The following CARMIL1 variants were observed in gnomAD, a reference collection of about 807,000 sequenced individuals.
CARMIL1 encodes the protein F-actin-uncapping protein LRRC16A.
A neutral mutation model predicts 177.1 loss-of-function variants in CARMIL1; 90 were observed. The ratio of observed to expected loss-of-function variants is 0.51; its 90% CI spans 0.43 to 0.61. The LOEUF is 0.61. Among genes scored for constraint, CARMIL1 ranks in the 20% least tolerant of loss-of-function variants. The probability of loss-of-function intolerance (pLI) is 0.00; values close to 1 mark genes in which losing one functional copy is unlikely to be tolerated. For missense variants in CARMIL1, 1,380 were observed against 1,667.0 expected (o/e 0.83, Z 3.00); for synonymous variants, 577 against 606.2 (o/e 0.95, Z 0.71).
chr6:25,606,009 A>G, intron 34 of CARMIL1, 52 bp from the exon 35 acceptor site: 2 of 1,329,936 alleles, frequency 1.5e-6, no homozygotes, highest in East Asian at 4.7e-5. Context: ...TCTAGCTTCA[A>G]GTTATTGGCT....
At chr6:25,517,542 C>T (rs1806123339) in intron 22 of CARMIL1, 127 bp downstream of exon 22, 3 of 667,180 alleles carry the variant, frequency 4.5e-6, no homozygotes, top group Non-Finnish European at 7.7e-6. Flanking sequence ...TGAATTTAGT[C>T]TACAGCTAAC....
chr6:25,373,822 A>T (rs563166579), intron 2 of CARMIL1, among the ~76,000 whole-genome samples: 39 of 152,096 alleles, frequency 2.6e-4, no homozygotes, highest in Middle Eastern at 3.4e-3. Context: ...TGACCTCGTG[A>T]TCCGTCTGCC....
At chr6:25,359,278 T>C (rs2150386888) in intron 2 of CARMIL1, among the ~76,000 whole-genome samples, 1 of 152,344 alleles carries the variant, frequency 6.6e-6, no homozygotes, top group African/African-American at 2.4e-5. Context: ...TGGAACTCTT[T>C]AATGTGCTTT....
chr6:25,586,578 C>CG (rs1562313064), intron 31 of CARMIL1, among the ~76,000 whole-genome samples: 1 of 151,880 alleles, frequency 6.6e-6, no homozygotes, highest in Non-Finnish European at 1.5e-5. Flanking sequence ...GCTGCAATCT[C>CG]GGCACTTTGG....
rs5875042 is a variant in CARMIL1, at chr6:25,459,210, TTTTCTTTCTTTCTTTCTTTC to T, written c.615-6623_615-6604del. Reference sequence around the variant, plus strand: ...TGACATAGAAATAAGGATCCCAACTTTTTCTTTCTTTCTTTCTTTCTTTCTTTCTTTCTTTCTTTCTTTCT... The same window carrying T: ...TGACATAGAAATAAGGATCCCAACTTTTTCTTTCTTTCTTTCTTTCTTTCT... On this transcript the variant is annotated intron_variant, in intron 8 of 36. Transcript: ENST00000329474. Among the ~76,000 whole-genome samples the T allele has an allele frequency of 7.5e-4, 60 of 80,178 alleles. No homozygotes were observed. The East Asian group carries it at 0.011, about 15-fold the overall frequency. 52.6% of individuals were successfully genotyped at this position (80,178 alleles called of 152,430 possible).
At chr6:25,325,996 A>G (rs559400971) in intron 2 of CARMIL1, among the ~76,000 whole-genome samples, 1 of 152,046 alleles carries the variant, frequency 6.6e-6, no homozygotes, top group East Asian at 1.9e-4. Flanking sequence ...CAGCCTCCCT[A>G]GCAGTTGGGA....
At chr6:25,426,459 T>A in intron 3 of CARMIL1, 42 bp from the exon 4 acceptor site, 34 of 1,369,528 alleles carry the variant, frequency 2.5e-5, no homozygotes, top group Non-Finnish European at 3.4e-5. Flanking sequence ...TTTAAAACCC[T>A]CATTGCAGGT....
At chr6:25,347,083 T>C (rs977476697) in intron 2 of CARMIL1, among the ~76,000 whole-genome samples, 7 of 152,314 alleles carry the variant, frequency 4.6e-5, no homozygotes, top group African/African-American at 1.7e-4. Context: ...TAACATGCTG[T>C]TTCAAATGTT....
intron 2 of CARMIL1, among the ~76,000 whole-genome samples, chr6:25,329,804 A>G (rs1785441396): frequency 6.6e-6 from 1 of 152,240 alleles, no homozygotes; most frequent in African/African-American, 2.4e-5. Context: ...TGAAGAAAAC[A>G]ATGAAAAGAT....
chr6:25,611,558 C>T (rs1481594952), intron 36 of CARMIL1, among the ~76,000 whole-genome samples: 2 of 151,748 alleles, frequency 1.3e-5, no homozygotes, highest in African/African-American at 2.4e-5. Context: ...TTTAAGGAAG[C>T]GTTGAAAATG....
At position 25,304,881 on chromosome 6, in the gene CARMIL1, G is replaced by A. The variant is rs191929803; in HGVS notation, c.138+19972G>A. On this transcript the variant is annotated intron_variant, in intron 2 of 36. Coordinates refer to ENST00000329474, the MANE Select transcript of CARMIL1 (RefSeq NM_017640.6). ...GGCAGAGCATTTGGTAAGGATAGTT[G>A]AGTCCCTCAGTGACTGTTTGGATTG... Among the ~76,000 whole-genome samples, 410 of 152,330 alleles carry A rather than the reference G, an allele frequency of 2.7e-3. 2 individuals are homozygous for A. The highest frequency in any genetic ancestry group is 9.2e-3 in the African/African-American group (382 of 41,564).
intron 2 of CARMIL1, among the ~76,000 whole-genome samples, chr6:25,405,326 C>A (rs927411862): frequency 2.6e-5 from 4 of 152,174 alleles, no homozygotes; most frequent in Admixed American, 2.0e-4. Flanking sequence ...TTATTCATTG[C>A]CACTAAAATA....
chr6:25,526,779 C>G (rs1054884545), intron 23 of CARMIL1, among the ~76,000 whole-genome samples: 8 of 152,122 alleles, frequency 5.3e-5, no homozygotes, highest in African/African-American at 1.9e-4. Context: ...TCTCAAACTC[C>G]TGGGCTCAAG....
intron 2 of CARMIL1, among the ~76,000 whole-genome samples, chr6:25,405,426 C>A (rs1385345386): frequency 6.6e-6 from 1 of 152,172 alleles, no homozygotes; most frequent in East Asian, 1.9e-4. Flanking sequence ...GTGGATTTAA[C>A]CCTGTAGTCC....
chr6:25,478,799 G>GA (rs111562802), intron 11 of CARMIL1, among the ~76,000 whole-genome samples: 13,869 of 144,644 alleles, frequency 0.096, 718 homozygotes, highest in South Asian at 0.13. Flanking sequence ...CCATCTTGGG[G>GA]AAAAAAAAAA....
At chr6:25,331,202 C>A (rs1315898413) in intron 2 of CARMIL1, among the ~76,000 whole-genome samples, 1 of 152,114 alleles carries the variant, frequency 6.6e-6, no homozygotes, top group African/African-American at 2.4e-5. Flanking sequence ...AACAACTTTT[C>A]TTCTGTTTAT....
chr6:25,479,793 C>A (rs1316911291), intron 11 of CARMIL1, among the ~76,000 whole-genome samples: 1 of 151,848 alleles, frequency 6.6e-6, no homozygotes, highest in African/African-American at 2.4e-5. Context: ...GTATTTAGGT[C>A]TATTGATTTC....
At chr6:25,383,989 G>T (rs1791881180) in intron 2 of CARMIL1, among the ~76,000 whole-genome samples, 1 of 152,102 alleles carries the variant, frequency 6.6e-6, no homozygotes, top group South Asian at 2.1e-4. Context: ...ACAGGCATTT[G>T]CCACCATCCC....
At chr6:25,319,393 G>A (rs1310121912) in intron 2 of CARMIL1, among the ~76,000 whole-genome samples, 2 of 151,958 alleles carry the variant, frequency 1.3e-5, no homozygotes, top group African/African-American at 4.8e-5. Context: ...GTTTTGCTGT[G>A]TATTGTAGCA....
Sources: allele counts gnomAD v4.1 joint callset (sites outside exome capture counted in the v4.1 genomes callset), GRCh38; gene constraint gnomAD v4.1.1; transcripts MANE v1.5; gene names NCBI Gene and HGNC (gene_info 2026-07-23, HGNC 2026-07-21).